The following LYG2 variants were observed in gnomAD, a reference collection of about 807,000 sequenced individuals.
LYG2 encodes the protein lysozyme g-like protein 2.
A neutral mutation model predicts 22.4 loss-of-function variants in LYG2; 25 were observed. That is an observed-to-expected ratio of 1.12 (90% confidence interval 0.81 to 1.56). LYG2 has a LOEUF of 1.56. Ranked by LOEUF, LYG2 falls within the 40% of genes most tolerant of loss-of-function variation. The pLI is 0.00. For missense variants in LYG2, 266 were observed against 269.5 expected (o/e 0.99, Z 0.09); for synonymous variants, 88 against 97.0 (o/e 0.91, Z 0.55).
chr2:99,256,632 CCCTACATG>C (rs1351814691), upstream of LYG2, among the ~76,000 whole-genome samples: 2 of 152,178 alleles, frequency 1.3e-5, no homozygotes, highest in African/African-American at 4.8e-5. Context: ...CTGGGGCTCT[CCCTACATG>C]CACTGGAAGA....
At chr2:99,252,380 T>C (rs1199305293) in intron 3 of LYG2, among the ~76,000 whole-genome samples, 1 of 151,744 alleles carries the variant, frequency 6.6e-6, no homozygotes, top group Admixed American at 6.6e-5. Context: ...GAAATGTTTT[T>C]ATCTCCCTCC....
intron 3 of LYG2, among the ~76,000 whole-genome samples, chr2:99,247,498 G>T (rs1403146908): frequency 2.0e-5 from 3 of 150,030 alleles, no homozygotes; most frequent in Non-Finnish European, 3.0e-5. Context: ...TGGGCATATT[G>T]TGTGATGCTG....
chr2:99,257,632 T>C (rs1322991966), upstream of LYG2, among the ~76,000 whole-genome samples: 1 of 152,204 alleles, frequency 6.6e-6, no homozygotes, highest in Non-Finnish European at 1.5e-5. Context: ...ACAATCTATA[T>C]GCAAGCAATT....
At chr2:99,243,942 G>T in intron 6 of LYG2, 57 bp downstream of exon 6, 1 of 1,603,504 alleles carries the variant, frequency 6.2e-7, no homozygotes, top group Non-Finnish European at 8.5e-7. Flanking sequence ...GGTCACACTG[G>T]CCTTCAGTGG....
chr2:99,252,916 G>A (rs1164138726), intron 3 of LYG2, among the ~76,000 whole-genome samples: 153 of 151,976 alleles, frequency 1.0e-3, no homozygotes, highest in Non-Finnish European at 2.0e-3. Flanking sequence ...GCATGATGGT[G>A]GGCGCCTGTA....
intron 3 of LYG2, among the ~76,000 whole-genome samples, chr2:99,249,761 C>CA (rs70940156): frequency 0.013 from 870 of 65,048 alleles, 11 homozygotes; most frequent in African/African-American, 0.036. Context: ...AACTCTGTCT[C>CA]AAAAAAAAAA....
upstream of LYG2, among the ~76,000 whole-genome samples, chr2:99,256,885 T>G (rs901493878): frequency 1.3e-5 from 2 of 152,214 alleles, no homozygotes; most frequent in Non-Finnish European, 2.9e-5. Flanking sequence ...CTATGGATAT[T>G]ATATGACTCA....
chr2:99,251,049 A>T (rs1233677318), intron 3 of LYG2, among the ~76,000 whole-genome samples: 1 of 152,210 alleles, frequency 6.6e-6, no homozygotes, highest in South Asian at 2.1e-4. Flanking sequence ...ATATTTTCAA[A>T]AGAAACAATA....
chr2:99,248,126 T>G (rs1286745403), intron 3 of LYG2, among the ~76,000 whole-genome samples: 2 of 151,842 alleles, frequency 1.3e-5, no homozygotes, highest in Non-Finnish European at 3.0e-5. Flanking sequence ...ACTTTTACAC[T>G]GTTGGTGGGA....
chr2:99,255,271 C>G (rs1277686256), intron 1 of LYG2, 134 bp from the exon 2 acceptor site: 2 of 152,220 alleles, frequency 1.3e-5, no homozygotes, highest in Non-Finnish European at 2.9e-5. Flanking sequence ...GCTTTTCTTA[C>G]CTTCGTCCTG....
chr2:99,246,584 G>C lies in LYG2; in HGVS notation c.184+96C>G, dbSNP rs775947843. On this transcript the variant is annotated intron_variant, in intron 4 of 6. Transcript: ENST00000333017. Reference sequence around the variant, plus strand: ...TTAATTTTGATACTATTGTCATAATGATGATTATACCTTTTCAAAATTAAG... The same window carrying C: ...TTAATTTTGATACTATTGTCATAATCATGATTATACCTTTTCAAAATTAAG... 9.5e-5 allele frequency: 131 copies of C among 1,380,148 alleles called. 1 individual carries two copies. The highest frequency in any genetic ancestry group is 9.8e-5 in the South Asian group (7 of 71,616). The allele number at this position is 1,380,148 out of a possible 1,614,324, so 85.5% of individuals were successfully genotyped here.
chr2:99,244,956 CAA>C (rs1051888441), intron 5 of LYG2, among the ~76,000 whole-genome samples: 1 of 151,646 alleles, frequency 6.6e-6, no homozygotes, highest in Non-Finnish European at 1.5e-5. Flanking sequence ...ACTAAAAATA[CAA>C]AAAATTAGCT....
chr2:99,253,856 C>T (rs1218194397), intron 3 of LYG2, among the ~76,000 whole-genome samples: 1 of 152,074 alleles, frequency 6.6e-6, no homozygotes. Flanking sequence ...CACCTATACA[C>T]ATTGAACTCT....
chr2:99,249,785 A>G (rs977385818), intron 3 of LYG2, among the ~76,000 whole-genome samples: 18 of 130,096 alleles, frequency 1.4e-4, no homozygotes, highest in African/African-American at 3.3e-4. Context: ...AAAAAAAAAA[A>G]GAATCTAACC....
At chr2:99,248,031 G>C (rs553310595) in intron 3 of LYG2, among the ~76,000 whole-genome samples, 1 of 152,150 alleles carries the variant, frequency 6.6e-6, no homozygotes, top group Non-Finnish European at 1.5e-5. Flanking sequence ...ACCACAATGA[G>C]ATACCATCTC....
Position 99,244,115 on chromosome 2 carries a change from G to T in LYG2, c.404C>A (p.Pro135His). 1 of 1,613,730 alleles carries T rather than the reference G, an allele frequency of 6.2e-7. No homozygotes were observed. The highest frequency in any genetic ancestry group is 8.5e-7 in the Non-Finnish European group (1 of 1,179,922). The part of the protein sequence containing the change: ...LMQLDKQTYH[P>H]VGAWDSKEHL... ...CTCTTTGCTATCCCAGGCACCGACAGGGTGGTACGTTTGTTTATCAAGCTA... is the reference window on the plus strand; with the variant it reads ...CTCTTTGCTATCCCAGGCACCGACATGGTGGTACGTTTGTTTATCAAGCTA... Residue 135 changes from proline (P) to histidine (H), a missense_variant, in exon 6 of 7, where the codon CCT (proline) becomes CAT (histidine). By Grantham distance (77) the Pro-to-His change is moderately conservative. Coordinates refer to ENST00000333017, the MANE Select transcript of LYG2 (RefSeq NM_175735.4).
upstream of LYG2, among the ~76,000 whole-genome samples, chr2:99,256,958 T>C (rs1247577160): frequency 6.6e-6 from 1 of 152,218 alleles, no homozygotes; most frequent in Non-Finnish European, 1.5e-5. Context: ...AAACTGTGAC[T>C]CAGAGAAGCT....
At chr2:99,249,475 G>C (rs1302491233) in intron 3 of LYG2, among the ~76,000 whole-genome samples, 2 of 149,754 alleles carry the variant, frequency 1.3e-5, no homozygotes, top group African/African-American at 4.9e-5. Context: ...AAAAAAAATA[G>C]AATCTGGTTG....
At chr2:99,242,585 A>G in intron 6 of LYG2, 103 bp from the exon 7 acceptor site, 1 of 719,088 alleles carries the variant, frequency 1.4e-6, no homozygotes, top group Non-Finnish European at 2.3e-6. Context: ...CTTCCAAAGC[A>G]GGCAGTCCCA....
Sources: allele counts gnomAD v4.1 joint callset (sites outside exome capture counted in the v4.1 genomes callset), GRCh38; gene constraint gnomAD v4.1.1; transcripts MANE v1.5; gene names NCBI Gene and HGNC (gene_info 2026-07-23, HGNC 2026-07-21).